The following ADAMTSL1 variants were observed in gnomAD, a reference collection of about 807,000 sequenced individuals.
ADAMTSL1 encodes the protein ADAMTS like 1.
ADAMTSL1 carries 126 observed loss-of-function variants against 201.8 expected under a neutral mutation model. The observed-to-expected ratio is 0.62, with a 90% CI of 0.54 to 0.72. The LOEUF (loss-of-function observed/expected upper bound fraction) is 0.72. Among genes scored for constraint, ADAMTSL1 ranks in the 30% least tolerant of loss-of-function variants. The pLI, the probability that ADAMTSL1 is intolerant of heterozygous loss-of-function variation, is 0.00. For synonymous variants in ADAMTSL1, 1,121 were observed against 903.4 expected, an observed-to-expected ratio of 1.24 and a Z score of -4.32; for missense variants, 2,679 against 2,277.8, an observed-to-expected ratio of 1.18 and a Z score of -3.59.
chr9:18,315,160 G>A (rs1013170818), intron 2 of ADAMTSL1, among the ~76,000 whole-genome samples: 1 of 152,120 alleles, frequency 6.6e-6, no homozygotes, highest in African/African-American at 2.4e-5. Flanking sequence ...GCTGATTGGT[G>A]CATTTGCAAA....
intron 1 of ADAMTSL1, among the ~76,000 whole-genome samples, chr9:17,936,943 G>T (rs1489948665): frequency 6.6e-6 from 1 of 152,094 alleles, no homozygotes; most frequent in African/African-American, 2.4e-5. Context: ...TTGTTGGAGG[G>T]GTTTCCCATG....
At chr9:18,436,118 G>T (rs938511519) in intron 2 of ADAMTSL1, among the ~76,000 whole-genome samples, 1 of 152,204 alleles carries the variant, frequency 6.6e-6, no homozygotes, top group Non-Finnish European at 1.5e-5. Flanking sequence ...GCACCCTGGA[G>T]GGTTTGCAGG....
intron 1 of ADAMTSL1, among the ~76,000 whole-genome samples, chr9:18,080,437 A>G (rs543327106): frequency 9.8e-5 from 15 of 152,326 alleles, no homozygotes; most frequent in Non-Finnish European, 1.6e-4. Flanking sequence ...TTGTGATTCT[A>G]TCTCCTTTTC....
intron 2 of ADAMTSL1, among the ~76,000 whole-genome samples, chr9:18,407,709 T>C (rs564402222): frequency 1.3e-5 from 2 of 152,120 alleles, no homozygotes; most frequent in Non-Finnish European, 2.9e-5. Flanking sequence ...AGGTAAGAAG[T>C]GGAAGCTTAT....
intron 1 of ADAMTSL1, among the ~76,000 whole-genome samples, chr9:18,007,193 C>A (rs892662074): frequency 6.6e-6 from 1 of 152,132 alleles, no homozygotes; most frequent in East Asian, 2.0e-4. Flanking sequence ...CATCACAGAA[C>A]TCCTTTTCCA....
At chr9:17,966,080 G>A (rs7862627) in intron 1 of ADAMTSL1, among the ~76,000 whole-genome samples, 111 of 152,184 alleles carry the variant, frequency 7.3e-4, no homozygotes, top group African/African-American at 2.6e-3. Context: ...TTGCAAATAT[G>A]GTCCACATAT....
At chr9:18,172,612 C>T (rs1443099900) in intron 2 of ADAMTSL1, among the ~76,000 whole-genome samples, 1 of 152,016 alleles carries the variant, frequency 6.6e-6, no homozygotes, top group Non-Finnish European at 1.5e-5. Flanking sequence ...TCCTAAATCC[C>T]AGCAATTTCA....
At chr9:18,281,811 C>T (rs1447847050) in intron 2 of ADAMTSL1, among the ~76,000 whole-genome samples, 1 of 152,160 alleles carries the variant, frequency 6.6e-6, no homozygotes, top group Non-Finnish European at 1.5e-5. Context: ...CTCAAGTGAT[C>T]CTCCTACCTC....
At chr9:17,920,477 C>T (rs1198222720) in intron 1 of ADAMTSL1, among the ~76,000 whole-genome samples, 1 of 152,162 alleles carries the variant, frequency 6.6e-6, no homozygotes, top group East Asian at 1.9e-4. Flanking sequence ...TCTACTCTCA[C>T]ACTTGTTGCT....
intron 3 of ADAMTSL1, among the ~76,000 whole-genome samples, chr9:18,547,437 T>C (rs1401387714): frequency 6.6e-6 from 1 of 151,502 alleles, no homozygotes; most frequent in Admixed American, 6.6e-5. Flanking sequence ...AAATGCAAGA[T>C]GGTGAATAGT....
At chr9:18,870,191 A>T (rs1371685648) in intron 23 of ADAMTSL1, among the ~76,000 whole-genome samples, 5 of 152,190 alleles carry the variant, frequency 3.3e-5, no homozygotes, top group African/African-American at 9.6e-5. Context: ...GTGTCCACTC[A>T]CTGCAGCATT....
intron 6 of ADAMTSL1, among the ~76,000 whole-genome samples, chr9:18,638,205 GT>G (rs1429928929): frequency 6.6e-6 from 1 of 151,958 alleles, no homozygotes; most frequent in East Asian, 1.9e-4. Flanking sequence ...GAACACCAAG[GT>G]TTTCCACTTG....
chr9:18,670,860 AC>A (rs1564136199), intron 9 of ADAMTSL1, among the ~76,000 whole-genome samples: 1 of 151,956 alleles, frequency 6.6e-6, no homozygotes. Flanking sequence ...TGGTTCCAGG[AC>A]CCACCCCACC....
chr9:18,467,598 G>A (rs1423262126), intron 2 of ADAMTSL1, among the ~76,000 whole-genome samples: 1 of 152,158 alleles, frequency 6.6e-6, no homozygotes, highest in East Asian at 1.9e-4. Flanking sequence ...ATTGCAGTTA[G>A]CAGAAGGCTT....
chr9:18,246,618 C>T (rs2132471950), intron 2 of ADAMTSL1, among the ~76,000 whole-genome samples: 1 of 152,176 alleles, frequency 6.6e-6, no homozygotes, highest in South Asian at 2.1e-4. Context: ...TGCTATTTCA[C>T]CCTTTTTAAA....
chr9:18,426,469 G>A (rs1819228064), intron 2 of ADAMTSL1, among the ~76,000 whole-genome samples: 1 of 152,064 alleles, frequency 6.6e-6, no homozygotes, highest in Non-Finnish European at 1.5e-5. Flanking sequence ...TCTGCATTTG[G>A]GACTTAGCTT....
intron 9 of ADAMTSL1, among the ~76,000 whole-genome samples, chr9:18,671,306 A>C (rs1829795344): frequency 6.6e-6 from 1 of 152,200 alleles, no homozygotes; most frequent in Admixed American, 6.5e-5. Context: ...TTGACTAAAA[A>C]ATTTCACTGG....
At chr9:18,731,162 T>G (rs748108) in intron 15 of ADAMTSL1, among the ~76,000 whole-genome samples, 27,991 of 152,128 alleles carry the variant, frequency 0.18, 2,811 homozygotes, top group East Asian at 0.41. Context: ...GACTTGGCAA[T>G]GTCAAAGCTA....
chr9:18,675,008 T>C (rs1187133317), intron 9 of ADAMTSL1, among the ~76,000 whole-genome samples: 2 of 133,038 alleles, frequency 1.5e-5, no homozygotes, highest in Admixed American at 7.5e-5. Flanking sequence ...GAGTAGTTTA[T>C]TGGCATCCTA....
Sources: gnomAD v4.1 joint callset for allele counts (sites outside exome capture counted in the v4.1 genomes callset) on GRCh38, gnomAD v4.1.1 for gene constraint, MANE v1.5 for transcripts, NCBI Gene and HGNC (gene_info 2026-07-23, HGNC 2026-07-21) for gene names.